Variants in SDK1 observed in about 807,000 individuals in gnomAD.
The protein encoded by SDK1 is protein sidekick-1.
In SDK1, 157 loss-of-function variants were observed where a neutral mutation model predicts 245.5. The ratio of observed to expected loss-of-function variants is 0.64; its 90% CI spans 0.56 to 0.73. SDK1 has a LOEUF of 0.73. Among genes scored for constraint, SDK1 ranks in the 30% least tolerant of loss-of-function variants. The pLI is 0.00. For synonymous variants in SDK1, 1,647 were observed against 1,278.5 expected, an observed-to-expected ratio of 1.29 and a Z score of -6.15; for missense variants, 3,583 against 3,002.3, an observed-to-expected ratio of 1.19 and a Z score of -4.52.
intron 1 of SDK1, among the ~76,000 whole-genome samples, chr7:3,402,316 T>C (rs1778910475): frequency 2.6e-5 from 4 of 152,156 alleles, no homozygotes; most frequent in African/African-American, 9.7e-5. Flanking sequence ...CAGAGAGTAA[T>C]GGAGGAGGTA....
chr7:3,462,773 T>G (rs1432403880), intron 1 of SDK1, among the ~76,000 whole-genome samples: 1 of 152,176 alleles, frequency 6.6e-6, no homozygotes, highest in Non-Finnish European at 1.5e-5. Flanking sequence ...ATGCAAGCTG[T>G]CATCATCTCT....
chr7:3,623,760 A>G (rs1482433251), intron 2 of SDK1, among the ~76,000 whole-genome samples: 3 of 152,216 alleles, frequency 2.0e-5, no homozygotes, highest in African/African-American at 4.8e-5. Context: ...ACCTAAGCCG[A>G]GAATTTCTTA....
At chr7:3,719,280 C>A (rs1785294507) in intron 4 of SDK1, among the ~76,000 whole-genome samples, 1 of 148,302 alleles carries the variant, frequency 6.7e-6, no homozygotes. Flanking sequence ...GGTACTAGAC[C>A]TAGACAGTCT....
intron 14 of SDK1, among the ~76,000 whole-genome samples, chr7:3,993,549 T>C (rs1784501101): frequency 6.6e-6 from 1 of 152,226 alleles, no homozygotes; most frequent in South Asian, 2.1e-4. Context: ...GTAAAATACA[T>C]TTGTACTTTT....
intron 1 of SDK1, among the ~76,000 whole-genome samples, chr7:3,340,479 T>C (rs1360057884): frequency 6.6e-6 from 1 of 152,092 alleles, no homozygotes; most frequent in African/African-American, 2.4e-5. Context: ...ATTAAAAAAA[T>C]TGGCCAGGTA....
At chr7:3,802,740 C>G (rs956589093) in intron 4 of SDK1, among the ~76,000 whole-genome samples, 3 of 152,172 alleles carry the variant, frequency 2.0e-5, no homozygotes, top group Non-Finnish European at 4.4e-5. Context: ...CTTTTCCCCC[C>G]ACTTAACCTA....
At chr7:3,358,868 A>G (rs1050708088) in intron 1 of SDK1, among the ~76,000 whole-genome samples, 2 of 152,208 alleles carry the variant, frequency 1.3e-5, no homozygotes, top group African/African-American at 2.4e-5. Flanking sequence ...TTTCAATTTC[A>G]AATAGTGTTA....
At chr7:3,392,966 TTTTTTTTTTTTTTTC>T (rs1781797644) in intron 1 of SDK1, among the ~76,000 whole-genome samples, 2 of 133,150 alleles carry the variant, frequency 1.5e-5, no homozygotes, top group African/African-American at 6.0e-5. Flanking sequence ...TTTAAATTTT[TTTTTTTTTTTTTTTC>T]TTTTTTGAGA....
intron 1 of SDK1, among the ~76,000 whole-genome samples, chr7:3,399,711 A>T (rs1324328324): frequency 6.6e-6 from 1 of 152,030 alleles, no homozygotes; most frequent in Non-Finnish European, 1.5e-5. Flanking sequence ...TGATGATTGG[A>T]CACAAATCCC....
chr7:4,065,706 T>G (rs1258869841), intron 19 of SDK1, among the ~76,000 whole-genome samples: 9 of 81,644 alleles, frequency 1.1e-4, no homozygotes, highest in African/African-American at 2.9e-4. Flanking sequence ...TTTTTTTTTT[T>G]TTTTTTTTTT....
intron 4 of SDK1, among the ~76,000 whole-genome samples, chr7:3,659,685 G>A (rs2128658931): frequency 6.6e-6 from 1 of 152,326 alleles, no homozygotes; most frequent in South Asian, 2.1e-4. Context: ...GATCTGATTG[G>A]CTTTAAGAAA....
chr7:3,975,137 C>G (rs1037755536), intron 13 of SDK1, among the ~76,000 whole-genome samples: 2 of 152,260 alleles, frequency 1.3e-5, no homozygotes, highest in African/African-American at 4.8e-5. Flanking sequence ...CGTCTCTGCT[C>G]TCTTTCTCCC....
At chr7:3,949,877 C>T (rs891176604) in intron 5 of SDK1, among the ~76,000 whole-genome samples, 18 of 152,124 alleles carry the variant, frequency 1.2e-4, no homozygotes, top group African/African-American at 4.3e-4. Context: ...CAGAACTGAA[C>T]CCTTTGTTAA....
intron 4 of SDK1, among the ~76,000 whole-genome samples, chr7:3,764,826 A>G (rs1309091723): frequency 6.6e-6 from 1 of 152,186 alleles, no homozygotes; most frequent in Admixed American, 6.5e-5. Context: ...TGAATTCAGA[A>G]ACAGATAGGA....
At chr7:3,920,156 G>A (rs931103412) in intron 5 of SDK1, among the ~76,000 whole-genome samples, 7 of 152,216 alleles carry the variant, frequency 4.6e-5, no homozygotes, top group African/African-American at 7.2e-5. Context: ...ATGATGGAGA[G>A]CAGCACTGAG....
intron 1 of SDK1, among the ~76,000 whole-genome samples, chr7:3,307,462 C>T (rs1227222164): frequency 6.6e-6 from 1 of 152,192 alleles, no homozygotes; most frequent in East Asian, 1.9e-4. Flanking sequence ...GAGGTTACTA[C>T]TCTTAGAGCT....
At chr7:4,204,876 G>C (rs1316964371) in intron 35 of SDK1, among the ~76,000 whole-genome samples, 1 of 138,230 alleles carries the variant, frequency 7.2e-6, no homozygotes, top group Non-Finnish European at 1.6e-5. Context: ...GGAATTCAAA[G>C]ATAGTGTGAA....
intron 5 of SDK1, among the ~76,000 whole-genome samples, chr7:3,926,246 A>G (rs542780772): frequency 6.6e-6 from 1 of 152,278 alleles, no homozygotes; most frequent in East Asian, 1.9e-4. Flanking sequence ...CCACTCATTT[A>G]AACCCTCAGC....
intron 4 of SDK1, among the ~76,000 whole-genome samples, chr7:3,800,542 C>T (rs34107367): frequency 0.033 from 4,981 of 152,046 alleles, 107 homozygotes; most frequent in South Asian, 0.048. Flanking sequence ...CCACCACACC[C>T]GGCTAATTTT....
Sources: gnomAD v4.1 joint callset for allele counts (sites outside exome capture counted in the v4.1 genomes callset) on GRCh38, gnomAD v4.1.1 for gene constraint, MANE v1.5 for transcripts, NCBI Gene and HGNC (gene_info 2026-07-23, HGNC 2026-07-21) for gene names.